SPOCK3: variants seen among roughly 807,000 people sequenced by gnomAD.
SPOCK3 encodes the protein testican-3.
SPOCK3 carries 30 observed loss-of-function variants against 56.6 expected under a neutral mutation model. The observed-to-expected ratio is 0.53, with a 90% CI of 0.40 to 0.72. SPOCK3 has a LOEUF of 0.72. Ranked by LOEUF, SPOCK3 falls within the 30% of genes least tolerant of loss-of-function variation. The probability of loss-of-function intolerance (pLI) is 0.00; values close to 1 mark genes in which losing one functional copy is unlikely to be tolerated. For missense variants in SPOCK3, 527 were observed against 530.0 expected (o/e 0.99, Z 0.06); for synonymous variants, 196 against 183.3 (o/e 1.07, Z -0.56).
rs956048357 is a variant in SPOCK3 at position 166,872,663 on chromosome 4, A to G, written c.589+16467T>C. ...ATGAAAGGACATCAAAGAAACTTAA[A>G]TAAACATCACTAAGTGAAAGGAGCC... On this transcript the variant is annotated intron_variant, in intron 6 of 10. Coordinates refer to ENST00000357545, the MANE Select transcript of SPOCK3 (RefSeq NM_001040159.2). Among the ~76,000 whole-genome samples the G allele has an allele frequency of 2.0e-5, 3 of 152,234 alleles. No individual in the cohort carries two copies. The South Asian group carries it at 6.2e-4, about 31-fold the overall frequency.
intron 7 of SPOCK3, among the ~76,000 whole-genome samples, chr4:166,775,848 T>A (rs17598075): frequency 1.3e-5 from 2 of 152,068 alleles, no homozygotes; most frequent in Non-Finnish European, 2.9e-5. Context: ...TGCCAAACAC[T>A]GTAAAGAGTG....
Position 166,965,402 on chromosome 4 carries a change from T to TG in SPOCK3, c.350+34946_350+34947insC, listed in dbSNP as rs1479615191. The stretch of plus-strand genomic sequence containing the variant: ...GAATTTTCTATTATTGTTTTTTTTT[T>TG]TTTGTTTCTGAAAATCTCTTTGTTC... On this transcript the variant is annotated intron_variant, in intron 4 of 10. Coordinates refer to ENST00000357545, the MANE Select transcript of SPOCK3 (RefSeq NM_001040159.2). Among the ~76,000 whole-genome samples the TG allele has an allele frequency of 5.2e-3, 789 of 151,206 alleles. 3 individuals are homozygous for TG. Among genetic ancestry groups the TG allele is most frequent in the African/African-American group, 7.7e-3 (316 of 41,260 alleles).
intron 7 of SPOCK3, among the ~76,000 whole-genome samples, chr4:166,791,291 A>T (rs1269937425): frequency 6.6e-6 from 1 of 152,198 alleles, no homozygotes. Flanking sequence ...TCTACAGAGG[A>T]TTATCTTACT....
At chr4:166,860,328 G>A (rs574893688) in intron 6 of SPOCK3, among the ~76,000 whole-genome samples, 57 of 152,128 alleles carry the variant, frequency 3.7e-4, no homozygotes, top group African/African-American at 1.3e-3. Context: ...GACATTTTAA[G>A]TATAATTATT....
chr4:166,957,034 C>T (rs1579799712), intron 4 of SPOCK3, among the ~76,000 whole-genome samples: 1 of 152,036 alleles, frequency 6.6e-6, no homozygotes, highest in East Asian at 1.9e-4. Context: ...CAAGCAGATC[C>T]CTTGAGTCCA....
In SPOCK3 at chr4:167,058,792, C is replaced by T. The variant is rs556899595; in HGVS notation, c.235+3700G>A. Among the ~76,000 whole-genome samples the T allele has an allele frequency of 3.4e-3, 515 of 152,144 alleles. 2 individuals are homozygous for T. Among genetic ancestry groups the T allele is most frequent in the African/African-American group, 0.012 (485 of 41,488 alleles). ...TAACCAAAACAGCATGGTACTGGTA[C>T]CAAAACAGAGATATAGATCAATGGA... On this transcript the variant is annotated intron_variant, in intron 3 of 10. Coordinates refer to ENST00000357545, the MANE Select transcript of SPOCK3 (RefSeq NM_001040159.2).
intron 6 of SPOCK3, among the ~76,000 whole-genome samples, chr4:166,882,179 CATG>C (rs1733749143): frequency 6.6e-6 from 1 of 152,140 alleles, no homozygotes; most frequent in South Asian, 2.1e-4. Flanking sequence ...CTAAGGTCAG[CATG>C]ATATAAGTTA....
At chr4:166,798,394 G>A (rs563303226) in intron 6 of SPOCK3, among the ~76,000 whole-genome samples, 47 of 152,272 alleles carry the variant, frequency 3.1e-4, no homozygotes, top group African/African-American at 9.6e-4. Context: ...TAAGAGGCCC[G>A]TTAGAGTGAT....
At chr4:166,947,026 C>T (rs1741846096) in intron 4 of SPOCK3, among the ~76,000 whole-genome samples, 1 of 152,006 alleles carries the variant, frequency 6.6e-6, no homozygotes, top group Non-Finnish European at 1.5e-5. Context: ...TCCTAAAATA[C>T]CACTGAGCAT....
intron 4 of SPOCK3, among the ~76,000 whole-genome samples, chr4:166,919,203 C>T (rs1428631242): frequency 6.6e-6 from 1 of 151,988 alleles, no homozygotes; most frequent in Non-Finnish European, 1.5e-5. Flanking sequence ...CTTATGAGGC[C>T]AACAAGTATG....
intron 2 of SPOCK3, among the ~76,000 whole-genome samples, chr4:167,166,974 A>C (rs1393869471): frequency 3.3e-5 from 5 of 152,090 alleles, no homozygotes; most frequent in African/African-American, 1.2e-4. Flanking sequence ...GGAATAAATT[A>C]ACTTTCTGTA....
intron 2 of SPOCK3, among the ~76,000 whole-genome samples, chr4:167,115,304 C>A: frequency 6.8e-6 from 1 of 147,338 alleles, no homozygotes. Context: ...TATTTGCTAT[C>A]TGGCCTTGTA....
chr4:166,954,177 G>T (rs1425798744), intron 4 of SPOCK3, among the ~76,000 whole-genome samples: 1 of 151,966 alleles, frequency 6.6e-6, no homozygotes, highest in African/African-American at 2.4e-5. Context: ...TAATAGGTTG[G>T]TGCAAAAATA....
At chr4:166,912,477 A>G (rs1737388871) in intron 5 of SPOCK3, 143 bp downstream of exon 5, 3 of 893,066 alleles carry the variant, frequency 3.4e-6, no homozygotes, top group Non-Finnish European at 5.0e-6. Context: ...ATTGAATCAT[A>G]TTCCAAACCA....
At chr4:166,891,175 C>A (rs1415128425) in intron 5 of SPOCK3, among the ~76,000 whole-genome samples, 3 of 151,810 alleles carry the variant, frequency 2.0e-5, no homozygotes, top group South Asian at 4.1e-4. Context: ...CAATAATTAT[C>A]TTCCTACTCT....
At chr4:167,196,553 A>G (rs1732971740) in intron 2 of SPOCK3, among the ~76,000 whole-genome samples, 1 of 151,602 alleles carries the variant, frequency 6.6e-6, no homozygotes, top group Non-Finnish European at 1.5e-5. Context: ...TACTGAATTT[A>G]TTGATTCCGT....
At chr4:167,084,336 T>A (rs1757992161) in intron 2 of SPOCK3, among the ~76,000 whole-genome samples, 1 of 152,066 alleles carries the variant, frequency 6.6e-6, no homozygotes, top group Non-Finnish European at 1.5e-5. Context: ...TATTGCATAT[T>A]TTTTCTTTTT....
At chr4:167,038,807 C>T (rs1008867650) in intron 3 of SPOCK3, among the ~76,000 whole-genome samples, 2 of 151,972 alleles carry the variant, frequency 1.3e-5, no homozygotes, top group African/African-American at 4.8e-5. Flanking sequence ...TTAATATATA[C>T]TGTTGTTAAT....
chr4:166,874,616 T>C (rs1007280518), intron 6 of SPOCK3, among the ~76,000 whole-genome samples: 2 of 152,194 alleles, frequency 1.3e-5, no homozygotes, highest in Non-Finnish European at 2.9e-5. Flanking sequence ...AGTATCACCA[T>C]GTAAGCACAC....
Sources: gnomAD v4.1 joint callset for allele counts (sites outside exome capture counted in the v4.1 genomes callset) on GRCh38, gnomAD v4.1.1 for gene constraint, MANE v1.5 for transcripts, NCBI Gene and HGNC (gene_info 2026-07-23, HGNC 2026-07-21) for gene names.